Variants in PARP12 observed in about 807,000 individuals in gnomAD.
The protein encoded by PARP12 is protein mono-ADP-ribosyltransferase PARP12.
PARP12 carries 59 observed loss-of-function variants against 72.4 expected under a neutral mutation model. That is an observed-to-expected ratio of 0.81 (90% CI 0.66 to 1.01). PARP12 has a LOEUF of 1.01. Ranked by LOEUF, PARP12 falls within the 50% of genes least tolerant of loss-of-function variation. The pLI, the probability that PARP12 is intolerant of heterozygous loss-of-function variation, is 0.00. For missense variants in PARP12, 851 were observed against 914.0 expected, an observed-to-expected ratio of 0.93 and a Z score of 0.89; for synonymous variants, 403 against 371.4, an observed-to-expected ratio of 1.09 and a Z score of -0.98.
rs1817253292 is a variant in PARP12 at position 140,057,909 on chromosome 7, A to C, written c.452T>G (p.Leu151Arg). Residue 151 changes from leucine (L) to arginine (R), a missense_variant, in exon 2 of 12, where the codon CTT becomes CGT. Transcript: ENST00000263549. ...TCCCCTGGCACTCACTTCTGGCAAA[A>C]GCCAGGGGTCGTTCTGAAACAAGAG... is the stretch of plus-strand genomic sequence containing the variant. ...CQLLFQNDPW[L>R]LPEICQHYNK... The C allele has an allele frequency of 6.2e-7, 1 of 1,614,066 alleles. No individual in the cohort carries two copies. Among genetic ancestry groups the C allele is most frequent in the African/African-American group, 1.3e-5 (1 of 74,928 alleles).
intron 7 of PARP12, among the ~76,000 whole-genome samples, chr7:140,036,029 AAGG>A (rs1372338581): frequency 6.6e-5 from 2 of 30,428 alleles, no homozygotes; most frequent in Admixed American, 8.8e-4. Flanking sequence ...GAAGGAGGAG[AAGG>A]AGGAGAAGGA....
chr7:140,053,111 G>A (rs749263161), intron 4 of PARP12, among the ~76,000 whole-genome samples: 26 of 151,928 alleles, frequency 1.7e-4, no homozygotes, highest in Non-Finnish European at 3.7e-4. Flanking sequence ...CAAGAGAAAT[G>A]GAAACATATA....
At chr7:140,028,504 G>A in intron 9 of PARP12, 109 bp downstream of exon 9, 1 of 982,810 alleles carries the variant, frequency 1.0e-6, no homozygotes, top group South Asian at 1.9e-5. Context: ...GCCCCAATTA[G>A]CCCCAGCCTT....
At chr7:140,058,682 A>C (rs188436310) in intron 1 of PARP12, among the ~76,000 whole-genome samples, 18 of 152,268 alleles carry the variant, frequency 1.2e-4, no homozygotes, top group African/African-American at 3.9e-4. Context: ...CTGTCGTTTA[A>C]GCCTCCTAGT....
At position 140,026,308 on chromosome 7, in the gene PARP12, C is replaced by T. The variant is rs762010825; in HGVS notation, c.1669G>A (p.Val557Met). The T allele has an allele frequency of 2.5e-5, 41 of 1,612,878 alleles. No individual in the cohort carries two copies. The South Asian group carries it at 3.4e-4, about 13-fold the overall frequency. The change falls in exon 11 of 12, where the codon GTG becomes ATG. Residue 557 changes from valine (V) to methionine (M), a missense_variant. Transcript: ENST00000263549. ...QMQKQNGGKA[V>M]DERQLFHGTS... ...CCGTGGAACAGCTGCCGCTCGTCCA[C>T]GGCCTTCCCTCCGTTCTGCTTCTGC...
intron 2 of PARP12, 41 bp downstream of exon 2, chr7:140,057,858 C>G: frequency 6.2e-7 from 1 of 1,611,824 alleles, no homozygotes; most frequent in Non-Finnish European, 8.5e-7. Flanking sequence ...ACAGGAATGT[C>G]CCCAGGGAGC....
Position 140,062,478 on chromosome 7 carries a change from GCGCAGGACCTCCGCCCGCCGTCGCTCC to G in PARP12, c.326+17_326+43del. 1 of 1,497,160 alleles carries G rather than the reference GCGCAGGACCTCCGCCCGCCGTCGCTCC, an allele frequency of 6.7e-7. No homozygotes were observed. The highest frequency in any genetic ancestry group is 8.9e-7 in the Non-Finnish European group (1 of 1,126,096). 92.7% of individuals were successfully genotyped at this position (1,497,160 alleles called of 1,614,324 possible). On this transcript the variant is annotated intron_variant, in intron 1 of 11. Coordinates refer to ENST00000263549, the MANE Select transcript of PARP12 (RefSeq NM_022750.4). ...AAGCGGGCTGGAAGTGCGTGAGGGC[GCGCAGGACCTCCGCCCGCCGTCGCTCC>G]CGGCGCGGCGCCTTACCCGGCTCTC... is the stretch of plus-strand genomic sequence containing the variant.
intron 8 of PARP12, 61 bp from the exon 9 acceptor site, chr7:140,028,749 T>C (rs1046644507): frequency 1.4e-6 from 2 of 1,427,498 alleles, no homozygotes; most frequent in African/African-American, 2.8e-5. Flanking sequence ...AAATATACCA[T>C]AGGTGGTCTC....
Position 140,057,958 on chromosome 7 carries a change from G to A in PARP12, c.403C>T (p.Leu135=), listed in dbSNP as rs138620579. Residue 135 remains leucine (L), a synonymous_variant, in exon 2 of 12, where the codon CTG becomes TTG. Coordinates refer to ENST00000263549, the MANE Select transcript of PARP12 (RefSeq NM_022750.4). ...AGTTGGCATAGCTCATTATAGCTCA[G>A]GTGGTCAACGCCATGAGTTCTCAGC... ...SVLRTHGVDH[L]SYNELCQLLF... is the part of the protein sequence containing the mutation. The A allele has an allele frequency of 3.1e-6, 5 of 1,614,240 alleles. No homozygotes were observed. Among genetic ancestry groups the A allele is most frequent in the African/African-American group, 2.7e-5 (2 of 75,064 alleles).
At chr7:140,036,822 T>TAA (rs56723067) in intron 7 of PARP12, among the ~76,000 whole-genome samples, 2 of 147,952 alleles carry the variant, frequency 1.4e-5, no homozygotes, top group African/African-American at 2.5e-5. Flanking sequence ...AATTAAAACT[T>TAA]AAAAAAAAAA....
At chr7:140,054,622 C>A in intron 4 of PARP12, 40 bp downstream of exon 4, 2 of 1,471,768 alleles carry the variant, frequency 1.4e-6, no homozygotes, top group Non-Finnish European at 1.9e-6. Context: ...AAGCAGTTAC[C>A]CCTCCCACAA....
At chr7:140,051,651 A>G (rs1002028064) in intron 4 of PARP12, among the ~76,000 whole-genome samples, 4 of 152,156 alleles carry the variant, frequency 2.6e-5, no homozygotes, top group Non-Finnish European at 5.9e-5. Context: ...TCGGCCTCTC[A>G]AAGTGCTGAG....
intron 6 of PARP12, among the ~76,000 whole-genome samples, chr7:140,039,663 G>A (rs754574947): frequency 1.4e-4 from 22 of 152,222 alleles, no homozygotes; most frequent in Admixed American, 2.6e-4. Context: ...GCTTTTCTGG[G>A]AATCAAGAGA....
At chr7:140,060,418 C>A (rs750102520) in intron 1 of PARP12, among the ~76,000 whole-genome samples, 7 of 152,182 alleles carry the variant, frequency 4.6e-5, no homozygotes, top group Non-Finnish European at 1.0e-4. Flanking sequence ...ACAGGGGAAG[C>A]AGAAAAGTGC....
At chr7:140,042,829 A>T (rs1184964884) in intron 5 of PARP12, among the ~76,000 whole-genome samples, 1 of 152,190 alleles carries the variant, frequency 6.6e-6, no homozygotes, top group Non-Finnish European at 1.5e-5. Context: ...TGCAAAGACC[A>T]CCCAGGGTAG....
At position 140,062,833 on chromosome 7, in the gene PARP12, G is replaced by A. The variant is rs1191467966; in HGVS notation, c.15C>T (p.Gly5=). MAQA[G]VVGEVTQVLC... ...GCACCTGGGTGACCTCACCGACGACGCCGGCCTGGGCCATGGCCGCTGGGC... is the reference window on the plus strand; with the variant it reads ...GCACCTGGGTGACCTCACCGACGACACCGGCCTGGGCCATGGCCGCTGGGC... The change falls in exon 1 of 12, where the codon GGC becomes GGT. Residue 5 remains glycine (G), a synonymous_variant. Coordinates refer to ENST00000263549, the MANE Select transcript of PARP12 (RefSeq NM_022750.4). The A allele has an allele frequency of 7.2e-7, 1 of 1,384,224 alleles. No homozygotes were observed. The highest frequency in any genetic ancestry group is 9.4e-7 in the Non-Finnish European group (1 of 1,066,742). 85.7% of individuals were successfully genotyped at this position (1,384,224 alleles called of 1,614,324 possible).
Position 140,047,093 on chromosome 7 carries a change from C to T in PARP12, c.863-86G>A, listed in dbSNP as rs368543718. The T allele has an allele frequency of 2.3e-4, 328 of 1,432,146 alleles. 3 individuals carry two copies. The South Asian group carries it at 4.3e-3, about 19-fold the overall frequency. The allele number at this position is 1,432,146 out of a possible 1,614,324, so 88.7% of individuals were successfully genotyped here. ...TGGTTGTCAACAGGTGTGGTGCTGC[C>T]CACTGACCTGGGAACATTCTGAAAT... On this transcript the variant is annotated intron_variant, in intron 4 of 11. Transcript: ENST00000263549.
intron 5 of PARP12, among the ~76,000 whole-genome samples, chr7:140,045,800 C>T (rs148382911): frequency 0.014 from 2,170 of 152,310 alleles, 22 homozygotes; most frequent in Non-Finnish European, 0.019. Flanking sequence ...TCCAGATCCA[C>T]GTTATTGGCC....
At chr7:140,041,032 T>C (rs1336222660) in intron 6 of PARP12, among the ~76,000 whole-genome samples, 2 of 152,216 alleles carry the variant, frequency 1.3e-5, no homozygotes, top group African/African-American at 2.4e-5. Flanking sequence ...CCTCCCAAAG[T>C]GCTGGGATTG....
Sources: allele counts gnomAD v4.1 joint callset (sites outside exome capture counted in the v4.1 genomes callset), GRCh38; gene constraint gnomAD v4.1.1; transcripts MANE v1.5; gene names NCBI Gene and HGNC (gene_info 2026-07-23, HGNC 2026-07-21).